The following STAT4 variants were observed in gnomAD, a reference collection of about 807,000 sequenced individuals.
STAT4 encodes signal transducer and activator of transcription 4.
Under a neutral mutation model 110.5 loss-of-function variants are expected in STAT4, and 42 were observed. The observed-to-expected ratio is 0.38, with a 90% CI of 0.30 to 0.49. The LOEUF (loss-of-function observed/expected upper bound fraction) is 0.49, where lower values mean the gene tolerates loss of function less well. Ranked by LOEUF, STAT4 falls within the 20% of genes least tolerant of loss-of-function variation. STAT4 has a pLI of 0.95. For synonymous variants in STAT4, 284 were observed against 302.2 expected (o/e 0.94, Z 0.63); for missense variants, 632 against 887.9 (o/e 0.71, Z 3.66).
chr2:191,149,939 G>C (rs1380748671), intron 1 of STAT4, among the ~76,000 whole-genome samples: 2 of 152,116 alleles, frequency 1.3e-5, no homozygotes, highest in East Asian at 3.9e-4. Context: ...GTAACACTAG[G>C]ATGAATATGG....
chr2:191,056,702 T>C lies in STAT4; in HGVS notation c.1206+1316A>G, dbSNP rs149767054. Among the ~76,000 whole-genome samples the C allele has an allele frequency of 4.8e-4, 73 of 152,266 alleles. 1 individual carries two copies. The highest frequency in any genetic ancestry group is 6.8e-3 in the Middle Eastern group (2 of 294). ...TGAGATATCTGTAACCTATCTTTTC[T>C]TTGTGGTAGGATCATTACAATTCTT... is the stretch of plus-strand genomic sequence containing the variant. On this transcript the variant is annotated intron_variant, in intron 13 of 23. Transcript: ENST00000392320.
chr2:191,072,790 C>A (rs1370634901), intron 5 of STAT4, among the ~76,000 whole-genome samples: 4 of 152,052 alleles, frequency 2.6e-5, no homozygotes. Flanking sequence ...ACATTATGAA[C>A]AACTTTATGC....
In STAT4 at chr2:191,148,063, T is replaced by C. The variant is rs138211828; in HGVS notation, c.128+13A>G. ...TGTGCATCAACTTCTAGGGAAAATATGTTTGATCCTACCAGTCTTGATTTT... is the reference window on the plus strand; with the variant it reads ...TGTGCATCAACTTCTAGGGAAAATACGTTTGATCCTACCAGTCTTGATTTT... On this transcript the variant is annotated intron_variant, in intron 2 of 23. Transcript: ENST00000392320. 7.0e-4 allele frequency: 1,128 copies of C among 1,613,300 alleles called. 5 individuals carry two copies. The African/African-American group carries it at 0.013, about 19-fold the overall frequency.
Position 191,060,480 on chromosome 2 carries a change from G to A in STAT4, c.1034+1249C>T, listed in dbSNP as rs895617348. ...GTTGCCCAGCCTGAAGTGCAGTGGC[G>A]TGAGTGCAGTGTACTGCAACCTCTA... On this transcript the variant is annotated intron_variant, in intron 10 of 23. Coordinates refer to ENST00000392320, the MANE Select transcript of STAT4 (RefSeq NM_003151.4). The surrounding 1 kb of genome is among the most constrained non-coding windows in gnomAD (Gnocchi z 4.5). 3.3e-5 allele frequency among the ~76,000 whole-genome samples: 5 copies of A among 152,330 alleles called. No individual in the cohort carries two copies. Among genetic ancestry groups the A allele is most frequent in the East Asian group, 1.9e-4 (1 of 5,188 alleles).
chr2:191,031,131 G>C lies in STAT4; in HGVS notation c.2112-51C>G. The C allele has an allele frequency of 6.4e-7, 1 of 1,569,270 alleles. No individual in the cohort carries two copies. The highest frequency in any genetic ancestry group is 8.8e-7 in the Non-Finnish European group (1 of 1,140,504). On this transcript the variant is annotated intron_variant, in intron 22 of 23. Coordinates refer to ENST00000392320, the MANE Select transcript of STAT4 (RefSeq NM_003151.4). This position sits in a 1 kb window ranked among gnomAD's most constrained non-coding sequence, Gnocchi z 4.8. Reference sequence around the variant, plus strand: ...GGACAAGGATTAAAAAATAATAATAGTTCACGGTGACTTACTATGTCAGGA... The same window carrying C: ...GGACAAGGATTAAAAAATAATAATACTTCACGGTGACTTACTATGTCAGGA...
At position 191,077,222 on chromosome 2, in the gene STAT4, TA is replaced by T. The variant is rs1166917826; in HGVS notation, c.274-898del. ...CAGCCATCAGTTACTTGGTGCAAAT[TA>T]AAATACTGGAATCCCTTTGGAGAAA... On this transcript the variant is annotated intron_variant, in intron 3 of 23. Coordinates refer to ENST00000392320, the MANE Select transcript of STAT4 (RefSeq NM_003151.4). The surrounding 1 kb of genome is among the most constrained non-coding windows in gnomAD (Gnocchi z 4.1). 6.6e-6 allele frequency among the ~76,000 whole-genome samples: 1 copy of T among 152,186 alleles called. No homozygotes were observed. The highest frequency in any genetic ancestry group is 2.4e-5 in the African/African-American group (1 of 41,446).
At chr2:191,069,978 TTC>T (rs1480870975) in intron 5 of STAT4, among the ~76,000 whole-genome samples, 5 of 152,182 alleles carry the variant, frequency 3.3e-5, no homozygotes, top group Non-Finnish European at 2.9e-5. Context: ...CTTCCAGCTA[TTC>T]TCTCTTTTTA....
rs1696255764 is a variant in STAT4 at position 191,043,172 on chromosome 2, G to T, written c.1252-2024C>A. Among the ~76,000 whole-genome samples the T allele has an allele frequency of 6.6e-6, 1 of 152,084 alleles. No individual in the cohort carries two copies. Among genetic ancestry groups the T allele is most frequent in the Non-Finnish European group, 1.5e-5 (1 of 68,010 alleles). On this transcript the variant is annotated intron_variant, in intron 14 of 23. Transcript: ENST00000392320. This position sits in a 1 kb window ranked among gnomAD's most constrained non-coding sequence, Gnocchi z 4.8. The stretch of plus-strand genomic sequence containing the variant: ...AGATTACATCAGTGTAACAAGAATA[G>T]AATATTATTGTAAGAAACATTCTGA...
At chr2:191,131,338 T>G (rs951643271) in intron 3 of STAT4, among the ~76,000 whole-genome samples, 1 of 151,770 alleles carries the variant, frequency 6.6e-6, no homozygotes, top group African/African-American at 2.4e-5. Flanking sequence ...AACAGTAGAA[T>G]GAATAAATTG....
chr2:191,139,455 C>T (rs1307392234), intron 3 of STAT4, among the ~76,000 whole-genome samples: 2 of 152,114 alleles, frequency 1.3e-5, no homozygotes, highest in East Asian at 1.9e-4. Context: ...ACTCCAACAA[C>T]GACCAAGCTG....
Position 191,150,038 on chromosome 2 carries a change from GATATGCTGA to G in STAT4, c.-2+900_-2+908del, listed in dbSNP as rs2125468624. ...GTAATGATAAATGTTTGAGGTGATGGATATGCTGAATATCCTTTGATCATAACACATTGT... is the reference window on the plus strand; with the variant it reads ...GTAATGATAAATGTTTGAGGTGATGGATATCCTTTGATCATAACACATTGT... On this transcript the variant is annotated intron_variant, in intron 1 of 23. Transcript: ENST00000392320. The surrounding 1 kb of genome is among the most constrained non-coding windows in gnomAD (Gnocchi z 6.4). Among the ~76,000 whole-genome samples, 1 of 152,086 alleles carries G rather than the reference GATATGCTGA, an allele frequency of 6.6e-6. No homozygotes were observed. Among genetic ancestry groups the G allele is most frequent in the South Asian group, 2.1e-4 (1 of 4,822 alleles).
At chr2:191,047,195 C>T (rs1471136156) in intron 14 of STAT4, among the ~76,000 whole-genome samples, 1 of 152,170 alleles carries the variant, frequency 6.6e-6, no homozygotes, top group East Asian at 1.9e-4. Flanking sequence ...GGGAGCTCCA[C>T]ACCCCTTCTC....
Position 191,143,655 on chromosome 2 carries a change from T to C in STAT4, c.273+2958A>G, listed in dbSNP as rs997781537. 2.0e-5 allele frequency among the ~76,000 whole-genome samples: 3 copies of C among 152,212 alleles called. No homozygotes were observed. Among genetic ancestry groups the C allele is most frequent in the African/African-American group, 7.2e-5 (3 of 41,450 alleles). ...AAAGAACCAAAATAAATCTACCTTA[T>C]ACATCCCTTAGTTCCCCAGGTATCA... is the stretch of plus-strand genomic sequence containing the variant. On this transcript the variant is annotated intron_variant, in intron 3 of 23. Transcript: ENST00000392320. This position sits in a 1 kb window ranked among gnomAD's most constrained non-coding sequence, Gnocchi z 5.6.
At chr2:191,065,510 A>T (rs1329425380) in intron 7 of STAT4, among the ~76,000 whole-genome samples, 2 of 152,166 alleles carry the variant, frequency 1.3e-5, no homozygotes, top group Non-Finnish European at 2.9e-5. Context: ...TCTTGCTTAA[A>T]CTTGGTATTC....
Position 191,032,964 on chromosome 2 carries a change from A to C in STAT4, c.2038T>G (p.Cys680Gly), listed in dbSNP as rs1444471536. Reference protein sequence around the residue: ...AFGKHYSSQPCEVSRPTERGD... With the variant: ...AFGKHYSSQPGEVSRPTERGD... ...ACAAACAGAAAAACCTAACCTTCGC[A>C]AGGCTGAGAGCTGTAGTGTTTACCG... is the stretch of plus-strand genomic sequence containing the variant. Residue 680 changes from cysteine to glycine, a missense_variant, in exon 21 of 24, where the codon TGC becomes GGC. Transcript: ENST00000392320. This position sits in a 1 kb window ranked among gnomAD's most constrained non-coding sequence, Gnocchi z 4.9. The C allele has an allele frequency of 1.3e-6, 2 of 1,595,626 alleles. No individual in the cohort carries two copies. The highest frequency in any genetic ancestry group is 1.7e-6 in the Non-Finnish European group (2 of 1,174,600).
At position 191,066,582 on chromosome 2, in the gene STAT4, A is replaced by G. The variant is rs1696992459; in HGVS notation, c.545-67T>C. The G allele has an allele frequency of 1.3e-6, 2 of 1,482,674 alleles. No homozygotes were observed. The highest frequency in any genetic ancestry group is 1.2e-5 in the South Asian group (1 of 85,560). The allele number at this position is 1,482,674 out of a possible 1,614,324, so 91.8% of individuals were successfully genotyped here. A position where few individuals can be genotyped will look rare whatever the true frequency, so the allele number is the denominator to read the frequency against. On this transcript the variant is annotated intron_variant, in intron 6 of 23. Coordinates refer to ENST00000392320, the MANE Select transcript of STAT4 (RefSeq NM_003151.4). The surrounding 1 kb of genome is among the most constrained non-coding windows in gnomAD (Gnocchi z 4.3). ...CTGAAAGTCAAGTCAGCCTCAATCC[A>G]CCATCCTAAAACAGCCCTGGCCCGG...
chr2:191,092,404 A>G (rs1457543436), intron 3 of STAT4, among the ~76,000 whole-genome samples: 1 of 152,150 alleles, frequency 6.6e-6, no homozygotes, highest in East Asian at 1.9e-4. Flanking sequence ...ACTCTGTCTC[A>G]AAAATAATGA....
In STAT4 at chr2:191,143,629, T is replaced by C. The variant is rs1559086832; in HGVS notation, c.273+2984A>G. Among the ~76,000 whole-genome samples, 1 of 152,184 alleles carries C rather than the reference T, an allele frequency of 6.6e-6. No individual in the cohort carries two copies. Among genetic ancestry groups the C allele is most frequent in the Non-Finnish European group, 1.5e-5 (1 of 68,030 alleles). On this transcript the variant is annotated intron_variant, in intron 3 of 23. Transcript: ENST00000392320. This position sits in a 1 kb window ranked among gnomAD's most constrained non-coding sequence, Gnocchi z 5.6. ...GAAACTAGAGATCTCAGCTGTTCTA[T>C]AAAGAACCAAAATAAATCTACCTTA...
chr2:191,063,382 A>T (rs1650317147), intron 8 of STAT4, among the ~76,000 whole-genome samples: 1 of 152,220 alleles, frequency 6.6e-6, no homozygotes, highest in Non-Finnish European at 1.5e-5. Context: ...CACACAATAT[A>T]TATTTTTACA....
Sources: allele counts gnomAD v4.1 joint callset (sites outside exome capture counted in the v4.1 genomes callset), GRCh38; gene constraint gnomAD v4.1.1; non-coding constraint Gnocchi (gnomAD v3.1); transcripts MANE v1.5; gene names NCBI Gene and HGNC (gene_info 2026-07-23, HGNC 2026-07-21).